The following HFM1 variants were observed in gnomAD, a reference collection of about 807,000 sequenced individuals.
HFM1 encodes helicase for meiosis 1.
HFM1 carries 169 observed loss-of-function variants against 192.1 expected under a neutral mutation model. The ratio of observed to expected loss-of-function variants is 0.88; its 90% confidence interval spans 0.78 to 1.00. HFM1 has a LOEUF of 1.00. HFM1 is among the 50% of genes least tolerant of loss of function. HFM1 has a pLI of 0.00. For missense variants in HFM1, 1,661 were observed against 1,668.0 expected (o/e 1.00, Z 0.07); for synonymous variants, 525 against 537.8 (o/e 0.98, Z 0.33).
intron 20 of HFM1, among the ~76,000 whole-genome samples, chr1:91,341,472 T>A (rs1655327993): frequency 6.6e-6 from 1 of 151,954 alleles, no homozygotes; most frequent in African/African-American, 2.4e-5. Flanking sequence ...AATGCTCACA[T>A]CAAAAAGCTA....
Position 91,351,532 on chromosome 1 carries a change from A to G in HFM1, c.2072+17T>C, listed in dbSNP as rs748260233. On this transcript the variant is annotated intron_variant, in intron 17 of 38. Coordinates refer to ENST00000370425, the MANE Select transcript of HFM1 (RefSeq NM_001017975.6). The stretch of plus-strand genomic sequence containing the variant: ...ATATTAGCATTAGTATCTTTTTGGA[A>G]CTTTTTTTTATACTACCTGCTTTCT... 2.2e-6 allele frequency: 3 copies of G among 1,343,016 alleles called. No individual in the cohort carries two copies. Among genetic ancestry groups the G allele is most frequent in the Non-Finnish European group, 3.1e-6 (3 of 956,916 alleles). The allele number at this position is 1,343,016 out of a possible 1,614,324, so 83.2% of individuals were successfully genotyped here.
chr1:91,363,873 A>G (rs1338600167), intron 13 of HFM1, among the ~76,000 whole-genome samples: 1 of 152,202 alleles, frequency 6.6e-6, no homozygotes, highest in Non-Finnish European at 1.5e-5. Flanking sequence ...GAATGATATC[A>G]TGTCCTTTGC....
At chr1:91,306,415 T>G (rs949359696) in intron 30 of HFM1, among the ~76,000 whole-genome samples, 1 of 152,230 alleles carries the variant, frequency 6.6e-6, no homozygotes, top group Non-Finnish European at 1.5e-5. Flanking sequence ...AAATGAGTAC[T>G]GAATTTTGTC....
At chr1:91,276,497 ATGGTAATATTC>A in intron 32 of HFM1, 120 bp downstream of exon 32, 1 of 436,838 alleles carries the variant, frequency 2.3e-6, no homozygotes, top group Non-Finnish European at 4.2e-6. Flanking sequence ...ATTATGAATA[ATGGTAATATTC>A]TTAGTCAAGC....
At chr1:91,376,985 ATAACT>A (rs1292502719) in intron 11 of HFM1, among the ~76,000 whole-genome samples, 1 of 151,806 alleles carries the variant, frequency 6.6e-6, no homozygotes, top group African/African-American at 2.4e-5. Flanking sequence ...AAAATTGGAA[ATAACT>A]TAATCTTCCA....
intron 30 of HFM1, among the ~76,000 whole-genome samples, chr1:91,298,791 A>C (rs953182451): frequency 1.3e-5 from 2 of 152,186 alleles, no homozygotes; most frequent in Non-Finnish European, 2.9e-5. Flanking sequence ...GAAGGAAGCA[A>C]TAAACATGGA....
chr1:91,404,549 C>A lies in HFM1; in HGVS notation c.-28+249G>T. On this transcript the variant is annotated intron_variant, in intron 1 of 38. Transcript: ENST00000370425. ...GTCCCACCTCGCGGGGAGCTGGGCCCGCCCTGCGCCCGAGCGCGCCGCAGG... is the reference window on the plus strand; with the variant it reads ...GTCCCACCTCGCGGGGAGCTGGGCCAGCCCTGCGCCCGAGCGCGCCGCAGG... 2 of 235,072 alleles carry A rather than the reference C, an allele frequency of 8.5e-6. 1 individual carries two copies. Among genetic ancestry groups the A allele is most frequent in the South Asian group, 8.4e-5 (2 of 23,694 alleles). 14.6% of individuals were successfully genotyped at this position (235,072 alleles called of 1,614,324 possible).
chr1:91,309,618 ATGC>A (rs1462150881), intron 30 of HFM1, among the ~76,000 whole-genome samples: 1 of 152,294 alleles, frequency 6.6e-6, no homozygotes, highest in East Asian at 1.9e-4. Context: ...TGATAGTCTG[ATGC>A]TGCTATTCTC....
At chr1:91,293,449 G>T (rs1337171445) in intron 30 of HFM1, among the ~76,000 whole-genome samples, 9 of 151,980 alleles carry the variant, frequency 5.9e-5, no homozygotes, top group South Asian at 2.1e-4. Context: ...CATGAAAAAA[G>T]GCTCACCATC....
intron 30 of HFM1, among the ~76,000 whole-genome samples, chr1:91,286,553 G>A (rs1667992299): frequency 1.3e-5 from 2 of 152,256 alleles, no homozygotes; most frequent in South Asian, 4.1e-4. Context: ...AAGGACACCA[G>A]TCATATTGGA....
chr1:91,331,821 G>A (rs958526613), intron 20 of HFM1, among the ~76,000 whole-genome samples: 2 of 152,114 alleles, frequency 1.3e-5, no homozygotes, highest in African/African-American at 2.4e-5. Flanking sequence ...ACTTGAACCC[G>A]AGAGGCAGAG....
chr1:91,402,965 T>C (rs1664459389), intron 1 of HFM1, among the ~76,000 whole-genome samples: 1 of 152,142 alleles, frequency 6.6e-6, no homozygotes, highest in African/African-American at 2.4e-5. Flanking sequence ...AAAAGAATTT[T>C]TGATTTCTAG....
intron 2 of HFM1, among the ~76,000 whole-genome samples, chr1:91,396,728 G>A (rs1663707803): frequency 6.6e-6 from 1 of 152,130 alleles, no homozygotes; most frequent in African/African-American, 2.4e-5. Context: ...TCAAACTTTA[G>A]CATTTTAACT....
At chr1:91,290,373 A>G (rs1410437624) in intron 30 of HFM1, among the ~76,000 whole-genome samples, 1 of 152,186 alleles carries the variant, frequency 6.6e-6, no homozygotes, top group African/African-American at 2.4e-5. Context: ...AAGCAAATGG[A>G]AAACAAAAAA....
chr1:91,297,858 A>T (rs536036488), intron 30 of HFM1, among the ~76,000 whole-genome samples: 1 of 152,286 alleles, frequency 6.6e-6, no homozygotes, highest in Non-Finnish European at 1.5e-5. Flanking sequence ...GAGCAGAAAA[A>T]CTGGAAACTC....
intron 13 of HFM1, among the ~76,000 whole-genome samples, chr1:91,366,812 C>T (rs571818322): frequency 6.6e-6 from 1 of 152,210 alleles, no homozygotes; most frequent in Non-Finnish European, 1.5e-5. Context: ...GGCGAGGCAT[C>T]GCCTCACCCG....
At position 91,319,065 on chromosome 1, in the gene HFM1, A is replaced by G. The variant is rs187807703; in HGVS notation, c.2812+13T>C. 5.3e-4 allele frequency: 846 copies of G among 1,581,438 alleles called. No homozygotes were observed. Among genetic ancestry groups the G allele is most frequent in the Non-Finnish European group, 6.7e-4 (786 of 1,170,624 alleles). On this transcript the variant is annotated intron_variant, in intron 25 of 38. Coordinates refer to ENST00000370425, the MANE Select transcript of HFM1 (RefSeq NM_001017975.6). Reference sequence around the variant, plus strand: ...AGACATGGCCAAACTGCCTGCCTGTATTCAGTACCTACCAATTTTTTCCAG... The same window carrying G: ...AGACATGGCCAAACTGCCTGCCTGTGTTCAGTACCTACCAATTTTTTCCAG...
chr1:91,287,233 A>G (rs1396258569), intron 30 of HFM1, among the ~76,000 whole-genome samples: 2 of 152,252 alleles, frequency 1.3e-5, no homozygotes, highest in Non-Finnish European at 2.9e-5. Context: ...AAAAGACAGC[A>G]GTAACCTCTG....
intron 13 of HFM1, among the ~76,000 whole-genome samples, chr1:91,365,023 T>G (rs192325497): frequency 2.0e-5 from 3 of 152,020 alleles, no homozygotes; most frequent in African/African-American, 7.2e-5. Context: ...AAGAATGAGA[T>G]TCTGCGACTT....
Sources: gnomAD v4.1 joint callset for allele counts (sites outside exome capture counted in the v4.1 genomes callset) on GRCh38, gnomAD v4.1.1 for gene constraint, MANE v1.5 for transcripts, NCBI Gene and HGNC (gene_info 2026-07-23, HGNC 2026-07-21) for gene names.